The following ADAMTSL1 variants were observed in gnomAD, a reference collection of about 807,000 sequenced individuals.
ADAMTSL1 encodes ADAMTS like 1.
ADAMTSL1 carries 126 observed loss-of-function variants against 201.8 expected under a neutral mutation model. That is an observed-to-expected ratio of 0.62 (90% confidence interval 0.54 to 0.72). The LOEUF (loss-of-function observed/expected upper bound fraction) is 0.72. Among genes scored for constraint, ADAMTSL1 ranks in the 30% least tolerant of loss-of-function variants. The probability of loss-of-function intolerance (pLI) is 0.00; values close to 1 mark genes in which losing one functional copy is unlikely to be tolerated. For synonymous variants in ADAMTSL1, 1,121 were observed against 903.4 expected (o/e 1.24, Z -4.32); for missense variants, 2,679 against 2,277.8 (o/e 1.18, Z -3.59).
At chr9:18,729,833 T>A (rs1021622774) in intron 15 of ADAMTSL1, among the ~76,000 whole-genome samples, 1 of 152,184 alleles carries the variant, frequency 6.6e-6, no homozygotes, top group Non-Finnish European at 1.5e-5. Flanking sequence ...GCCTCCTGAG[T>A]TCTTCATTGC....
At chr9:18,306,453 G>T (rs1293314416) in intron 2 of ADAMTSL1, among the ~76,000 whole-genome samples, 2 of 152,162 alleles carry the variant, frequency 1.3e-5, no homozygotes, top group Admixed American at 6.5e-5. Flanking sequence ...TTGAAAAAAG[G>T]TTAGAGAAAT....
At chr9:18,894,719 G>C (rs530046132) in intron 26 of ADAMTSL1, among the ~76,000 whole-genome samples, 1 of 152,314 alleles carries the variant, frequency 6.6e-6, no homozygotes, top group Non-Finnish European at 1.5e-5. Flanking sequence ...GCACATATAG[G>C]TCTGGGACTT....
chr9:18,284,715 A>T (rs1177760754), intron 2 of ADAMTSL1, among the ~76,000 whole-genome samples: 1 of 152,246 alleles, frequency 6.6e-6, no homozygotes, highest in Non-Finnish European at 1.5e-5. Context: ...TAACCCAAAG[A>T]TAATACTACT....
chr9:18,237,102 A>C (rs1174331170), intron 2 of ADAMTSL1, among the ~76,000 whole-genome samples: 1 of 152,232 alleles, frequency 6.6e-6, no homozygotes, highest in Admixed American at 6.5e-5. Flanking sequence ...ACAATAAACA[A>C]ACATCACTAA....
intron 2 of ADAMTSL1, among the ~76,000 whole-genome samples, chr9:18,369,022 T>C (rs1485083513): frequency 6.6e-6 from 1 of 152,232 alleles, no homozygotes; most frequent in Non-Finnish European, 1.5e-5. Flanking sequence ...CACTTGCAGA[T>C]GTGTCTAAAT....
intron 7 of ADAMTSL1, among the ~76,000 whole-genome samples, chr9:18,657,313 T>G (rs1377124513): frequency 6.6e-6 from 1 of 152,246 alleles, no homozygotes; most frequent in Non-Finnish European, 1.5e-5. Context: ...TAATTTTATC[T>G]ATTATACCAA....
intron 2 of ADAMTSL1, among the ~76,000 whole-genome samples, chr9:18,235,659 AC>A (rs1044533406): frequency 3.6e-4 from 55 of 152,262 alleles, no homozygotes; most frequent in African/African-American, 1.3e-3. Context: ...GGAAAACCCC[AC>A]CCATGTTAAG....
At chr9:18,816,262 T>C (rs528418169) in intron 20 of ADAMTSL1, among the ~76,000 whole-genome samples, 30 of 152,312 alleles carry the variant, frequency 2.0e-4, no homozygotes, top group African/African-American at 7.2e-4. Flanking sequence ...TATCATTTCT[T>C]TTTTGAGACA....
chr9:18,118,786 G>A (rs1173033127), intron 1 of ADAMTSL1, among the ~76,000 whole-genome samples: 3 of 152,122 alleles, frequency 2.0e-5, no homozygotes, highest in Admixed American at 6.5e-5. Flanking sequence ...TCCTCTAAAC[G>A]CATATGCCTT....
At chr9:18,445,015 A>G (rs1820134362) in intron 2 of ADAMTSL1, among the ~76,000 whole-genome samples, 1 of 152,112 alleles carries the variant, frequency 6.6e-6, no homozygotes, top group Non-Finnish European at 1.5e-5. Flanking sequence ...CCTAAGGTCA[A>G]ATAGAATGTT....
rs528013371 is a variant in ADAMTSL1, at chr9:18,889,721, C to T, written c.4616C>T (p.Ala1539Val). The change falls in exon 25 of 29, where the codon GCG becomes GTG. Residue 1539 changes from alanine (A) to valine (V), a missense_variant. By Grantham distance (64) the Ala-to-Val change is moderately conservative (BLOSUM62 0). Transcript: ENST00000380548. ...GTTCGCCCTGCGGTGCAGCCCATCG[C>T]GTGCAACCGGAGAGACTGCCCTTCT... Reference protein sequence around the residue: ...GKVRPAVQPIACNRRDCPSRW... With the variant: ...GKVRPAVQPIVCNRRDCPSRW... 1.6e-5 allele frequency: 24 copies of T among 1,526,510 alleles called. No homozygotes were observed. The highest frequency in any genetic ancestry group is 1.3e-4 in the African/African-American group (9 of 71,604). 94.6% of individuals were successfully genotyped at this position (1,526,510 alleles called of 1,614,324 possible). A position where few individuals can be genotyped will look rare whatever the true frequency, so the allele number is the denominator to read the frequency against.
chr9:18,191,523 G>A (rs1023764710), intron 2 of ADAMTSL1, among the ~76,000 whole-genome samples: 5 of 152,116 alleles, frequency 3.3e-5, no homozygotes, highest in Admixed American at 6.6e-5. Flanking sequence ...AATGAAAGTG[G>A]CCTGTTACCT....
intron 2 of ADAMTSL1, among the ~76,000 whole-genome samples, chr9:18,261,396 C>A (rs1831918024): frequency 1.3e-5 from 2 of 152,118 alleles, no homozygotes; most frequent in African/African-American, 4.8e-5. Flanking sequence ...ATAACATTTC[C>A]ATCTGACAGC....
intron 20 of ADAMTSL1, among the ~76,000 whole-genome samples, chr9:18,799,967 C>T (rs1201445682): frequency 6.6e-6 from 1 of 152,180 alleles, no homozygotes; most frequent in African/African-American, 2.4e-5. Context: ...GAATTTTTCA[C>T]CCAGCAGTTC....
intron 1 of ADAMTSL1, among the ~76,000 whole-genome samples, chr9:18,010,824 A>G (rs1156659854): frequency 1.3e-5 from 2 of 152,074 alleles, no homozygotes; most frequent in African/African-American, 2.4e-5. Flanking sequence ...AATTTTATAT[A>G]TCAAAAATGT....
At chr9:18,719,600 G>C (rs1052919818) in intron 14 of ADAMTSL1, among the ~76,000 whole-genome samples, 1 of 152,178 alleles carries the variant, frequency 6.6e-6, no homozygotes, top group African/African-American at 2.4e-5. Context: ...CTGACTTCAG[G>C]TCATCCGTCC....
At chr9:18,195,714 C>A (rs893642817) in intron 2 of ADAMTSL1, among the ~76,000 whole-genome samples, 3 of 152,088 alleles carry the variant, frequency 2.0e-5, no homozygotes, top group Non-Finnish European at 2.9e-5. Flanking sequence ...CAAGCAAATG[C>A]CATCAGCCAT....
intron 2 of ADAMTSL1, among the ~76,000 whole-genome samples, chr9:18,421,841 C>A (rs1367875560): frequency 6.6e-6 from 1 of 151,978 alleles, no homozygotes; most frequent in Admixed American, 6.6e-5. Context: ...AAATGCAATA[C>A]CATATTTACC....
chr9:18,055,635 G>A (rs995718452), intron 1 of ADAMTSL1, among the ~76,000 whole-genome samples: 1 of 152,214 alleles, frequency 6.6e-6, no homozygotes, highest in African/African-American at 2.4e-5. Context: ...GGAGTCGTAA[G>A]CACATGCTTC....
Sources: gnomAD v4.1 joint callset for allele counts (sites outside exome capture counted in the v4.1 genomes callset) on GRCh38, gnomAD v4.1.1 for gene constraint, MANE v1.5 for transcripts, NCBI Gene and HGNC (gene_info 2026-07-23, HGNC 2026-07-21) for gene names.